MCF2L: variants seen among roughly 807,000 people sequenced by gnomAD.
The protein encoded by MCF2L is guanine nucleotide exchange factor DBS.
In MCF2L, 97 loss-of-function variants were observed where a neutral mutation model predicts 153.4. The ratio of observed to expected loss-of-function variants is 0.63; its 90% CI spans 0.54 to 0.75. The LOEUF is 0.75. Ranked by LOEUF, MCF2L falls within the 30% of genes least tolerant of loss-of-function variation. MCF2L has a pLI of 0.00. For missense variants in MCF2L, 1,347 were observed against 1,495.2 expected (o/e 0.90, Z 1.64); for synonymous variants, 659 against 632.2 (o/e 1.04, Z -0.64).
rs768602263 is a variant in MCF2L, at chr13:113,060,578, C to T, written c.370-15C>T. ...GAGCACGCTGCAGGCCCTTGTCTCT[C>T]GCCCTCTCTCACAGGCATCTTTCCC... On this transcript the variant is annotated splice_polypyrimidine_tract_variant and intron_variant, in intron 4 of 29. Coordinates refer to ENST00000535094, the MANE Select transcript of MCF2L (RefSeq NM_001112732.3). The T allele has an allele frequency of 1.9e-5, 30 of 1,611,562 alleles. No individual in the cohort carries two copies. The highest frequency in any genetic ancestry group is 2.2e-5 in the South Asian group (2 of 91,062).
chr13:112,922,544 A>AC (rs2081363067), intron 2 of MCF2L, among the ~76,000 whole-genome samples: 1 of 151,408 alleles, frequency 6.6e-6, no homozygotes, highest in South Asian at 2.1e-4. Flanking sequence ...AAAAAAAAAA[A>AC]CCCATCAGCC....
chr13:113,016,947 A>G (rs569124584), intron 2 of MCF2L, among the ~76,000 whole-genome samples: 1 of 152,252 alleles, frequency 6.6e-6, no homozygotes, highest in South Asian at 2.1e-4. Flanking sequence ...CCAGCCTCAG[A>G]GCCATGTACT....
chr13:112,912,506 G>A (rs1017730034), intron 2 of MCF2L, among the ~76,000 whole-genome samples: 2 of 151,984 alleles, frequency 1.3e-5, no homozygotes, highest in East Asian at 1.9e-4. Context: ...TAGTAGAGAC[G>A]GGGTTTCACC....
At chr13:113,052,265 C>T (rs1055501310) in intron 4 of MCF2L, among the ~76,000 whole-genome samples, 1 of 152,186 alleles carries the variant, frequency 6.6e-6, no homozygotes, top group South Asian at 2.1e-4. Flanking sequence ...GACCCGGGCT[C>T]GCTCAGCGGT....
chr13:113,008,372 C>A (rs998820527), intron 1 of MCF2L, among the ~76,000 whole-genome samples: 16 of 152,198 alleles, frequency 1.1e-4, no homozygotes, highest in Non-Finnish European at 1.9e-4. Context: ...AGCCCCTGGA[C>A]TCCAGCAGTC....
At position 113,070,243 on chromosome 13, in the gene MCF2L, C is replaced by A; in HGVS notation, c.996+70C>A. The A allele has an allele frequency of 2.7e-6, 3 of 1,092,972 alleles. No individual in the cohort carries two copies. Among genetic ancestry groups the A allele is most frequent in the Non-Finnish European group, 3.8e-6 (3 of 785,242 alleles). The allele number at this position is 1,092,972 out of a possible 1,614,324, so 67.7% of individuals were successfully genotyped here. The stretch of plus-strand genomic sequence containing the variant: ...GGGCCTCCTGTGCCTGCGCCCTGGT[C>A]CCAGTGCCGGGAGCTGAGCCGTGCC... On this transcript the variant is annotated intron_variant, in intron 9 of 29. Transcript: ENST00000535094. The surrounding 1 kb of genome is among the most constrained non-coding windows in gnomAD (Gnocchi z 5.6).
In MCF2L at chr13:113,064,858, C is replaced by T. The variant is rs1404812288; in HGVS notation, c.607-78C>T. ...GATGGGTCTGTGTGGGAACGGTTTCCGCCGGTGTCTGCTTTCAGGGCAGCA... is the reference window on the plus strand; with the variant it reads ...GATGGGTCTGTGTGGGAACGGTTTCTGCCGGTGTCTGCTTTCAGGGCAGCA... On this transcript the variant is annotated intron_variant, in intron 6 of 29. Coordinates refer to ENST00000535094, the MANE Select transcript of MCF2L (RefSeq NM_001112732.3). The surrounding 1 kb of genome is among the most constrained non-coding windows in gnomAD (Gnocchi z 6.0). 9 of 1,521,216 alleles carry T rather than the reference C, an allele frequency of 5.9e-6. No homozygotes were observed. The highest frequency in any genetic ancestry group is 1.8e-4 in the Middle Eastern group (1 of 5,474). 94.2% of individuals were successfully genotyped at this position (1,521,216 alleles called of 1,614,324 possible).
At chr13:112,896,570 G>A (rs575532974) in intron 1 of MCF2L, among the ~76,000 whole-genome samples, 11 of 152,166 alleles carry the variant, frequency 7.2e-5, no homozygotes, top group East Asian at 3.9e-4. Flanking sequence ...GGCCAGGAAC[G>A]CCACCGGTTG....
intron 2 of MCF2L, among the ~76,000 whole-genome samples, chr13:112,908,915 G>A (rs954779727): frequency 2.0e-5 from 3 of 151,920 alleles, no homozygotes; most frequent in South Asian, 2.1e-4. Flanking sequence ...TAGTAGAGAC[G>A]GGGTTTCACC....
intron 2 of MCF2L, among the ~76,000 whole-genome samples, chr13:112,945,001 ATTT>A (rs10690779): frequency 1.4e-5 from 2 of 139,358 alleles, no homozygotes. Context: ...AGGCACCACT[ATTT>A]TTTTTTTTTT....
chr13:113,024,146 G>T (rs371012303), intron 2 of MCF2L, among the ~76,000 whole-genome samples: 1 of 152,236 alleles, frequency 6.6e-6, no homozygotes, highest in South Asian at 2.1e-4. Context: ...GAATTGAATT[G>T]CTTAAAAGGC....
At chr13:112,966,549 A>G (rs1236512932), upstream of MCF2L, among the ~76,000 whole-genome samples, 1 of 152,252 alleles carries the variant, frequency 6.6e-6, no homozygotes, top group Non-Finnish European at 1.5e-5. This position sits in a 1 kb window ranked among gnomAD's most constrained non-coding sequence, Gnocchi z 4.1. Context: ...ATATCTGGGC[A>G]CGGTGGCCCA....
Position 112,932,889 on chromosome 13 carries a change from G to C in MCF2L, c.169+30518G>C, listed in dbSNP as rs1441349888. 1.3e-5 allele frequency among the ~76,000 whole-genome samples: 2 copies of C among 152,098 alleles called. No homozygotes were observed. Among genetic ancestry groups the C allele is most frequent in the Non-Finnish European group, 2.9e-5 (2 of 68,022 alleles). ...CTACTAAAAATACAAAAATTAGCCTGGTGTGGTGACACACACCTGTAATCC... is the reference window on the plus strand; with the variant it reads ...CTACTAAAAATACAAAAATTAGCCTCGTGTGGTGACACACACCTGTAATCC... On this transcript the variant is annotated intron_variant, in intron 2 of 29. Coordinates refer to the MCF2L transcript ENST00000375608. This position sits in a 1 kb window ranked among gnomAD's most constrained non-coding sequence, Gnocchi z 4.6.
At chr13:113,063,100 C>G (rs1364059701) in intron 5 of MCF2L, among the ~76,000 whole-genome samples, 1 of 152,258 alleles carries the variant, frequency 6.6e-6, no homozygotes, top group Non-Finnish European at 1.5e-5. Flanking sequence ...ACAGGCCGCA[C>G]TCGTGTGGAG....
At chr13:113,016,503 C>A (rs571144925) in intron 2 of MCF2L, among the ~76,000 whole-genome samples, 1 of 152,278 alleles carries the variant, frequency 6.6e-6, no homozygotes, top group South Asian at 2.1e-4. Context: ...AGCAGAGACC[C>A]GCAAGCTGAT....
At chr13:113,003,906 C>T (rs1042796818) in intron 1 of MCF2L, among the ~76,000 whole-genome samples, 4 of 152,232 alleles carry the variant, frequency 2.6e-5, no homozygotes, top group African/African-American at 7.2e-5. Context: ...CTTGGAGAGT[C>T]TGTCCTCGGG....
intron 3 of MCF2L, chr13:113,043,212 C>G: frequency 6.6e-6 from 1 of 152,258 alleles, no homozygotes; most frequent in African/African-American, 2.4e-5. Context: ...AACACACAGC[C>G]CCTTGGCAGG....
intron 1 of MCF2L, among the ~76,000 whole-genome samples, chr13:113,005,994 C>T (rs1363046702): frequency 2.0e-5 from 3 of 152,194 alleles, no homozygotes; most frequent in African/African-American, 4.8e-5. Context: ...CGAAAATCAT[C>T]GGACTCGAAG....
In MCF2L at chr13:113,031,626, C is replaced by T. The variant is rs1406235150; in HGVS notation, c.278+6868C>T. On this transcript the variant is annotated intron_variant, in intron 3 of 29. Transcript: ENST00000535094. This position sits in a 1 kb window ranked among gnomAD's most constrained non-coding sequence, Gnocchi z 5.5. ...AGCTGGGAGATGGGGAGGAGGGCGGCGGCCCTCAGAGAAGGGACGAGGTGG... is the reference window on the plus strand; with the variant it reads ...AGCTGGGAGATGGGGAGGAGGGCGGTGGCCCTCAGAGAAGGGACGAGGTGG... Among the ~76,000 whole-genome samples, 1 of 151,826 alleles carries T rather than the reference C, an allele frequency of 6.6e-6. No individual in the cohort carries two copies. The highest frequency in any genetic ancestry group is 6.6e-5 in the Admixed American group (1 of 15,266).
Sources: gnomAD v4.1 joint callset for allele counts (sites outside exome capture counted in the v4.1 genomes callset) on GRCh38, gnomAD v4.1.1 for gene constraint, Gnocchi (gnomAD v3.1) non-coding constraint, MANE v1.5 for transcripts, NCBI Gene and HGNC (gene_info 2026-07-23, HGNC 2026-07-21) for gene names.